TASP1: variants seen among roughly 807,000 people sequenced by gnomAD.
TASP1 encodes threonine aspartase 1.
A neutral mutation model predicts 56.6 loss-of-function variants in TASP1; 16 were observed. That is an observed-to-expected ratio of 0.28 (90% CI 0.19 to 0.43). The LOEUF (loss-of-function observed/expected upper bound fraction) is 0.43. Ranked by LOEUF, TASP1 falls within the 20% of genes least tolerant of loss-of-function variation. The probability of loss-of-function intolerance (pLI) is 1.00; values close to 1 mark genes in which losing one functional copy is unlikely to be tolerated. For missense variants in TASP1, 393 were observed against 511.6 expected, an observed-to-expected ratio of 0.77 and a Z score of 2.24; for synonymous variants, 179 against 184.2, an observed-to-expected ratio of 0.97 and a Z score of 0.23.
the TASP1 span, among the ~76,000 whole-genome samples, chr20:13,189,305 G>C: frequency 6.6e-6 from 1 of 152,100 alleles, no homozygotes; most frequent in Admixed American, 6.6e-5. Context: ...ATTGACAATT[G>C]GGACCTAATT....
At chr20:13,343,258 A>G in the TASP1 span, among the ~76,000 whole-genome samples, 1 of 152,212 alleles carries the variant, frequency 6.6e-6, no homozygotes, top group African/African-American at 2.4e-5. Context: ...AGAGGCCAGA[A>G]ACCTCAGCCA....
intron 10 of TASP1, among the ~76,000 whole-genome samples, chr20:13,504,613 A>G (rs977247193): frequency 5.3e-5 from 8 of 152,282 alleles, no homozygotes; most frequent in African/African-American, 1.4e-4. Flanking sequence ...TAACTCTGGT[A>G]TAATGGTTAA....
At chr20:13,474,944 T>C (rs181693529) in intron 11 of TASP1, among the ~76,000 whole-genome samples, 1 of 152,316 alleles carries the variant, frequency 6.6e-6, no homozygotes, top group Admixed American at 6.5e-5. Flanking sequence ...GAGAAATGTC[T>C]ACTCATGTTC....
chr20:13,631,457 A>G (rs2147599008), intron 1 of TASP1, among the ~76,000 whole-genome samples: 2 of 152,326 alleles, frequency 1.3e-5, no homozygotes. Flanking sequence ...GTTATTTCTC[A>G]CAATATTTCT....
intron 4 of TASP1, among the ~76,000 whole-genome samples, chr20:13,602,344 A>C (rs1291930793): frequency 6.6e-6 from 1 of 152,172 alleles, no homozygotes; most frequent in Non-Finnish European, 1.5e-5. Flanking sequence ...CATGACAACT[A>C]AAAATGTAAT....
At chr20:13,345,377 C>T in the TASP1 span, among the ~76,000 whole-genome samples, 1 of 152,196 alleles carries the variant, frequency 6.6e-6, no homozygotes, top group South Asian at 2.1e-4. Flanking sequence ...GCTGGCAGGA[C>T]CACACCCAAA....
chr20:13,315,365 C>CTG, the TASP1 span, among the ~76,000 whole-genome samples: 3 of 151,876 alleles, frequency 2.0e-5, no homozygotes, highest in African/African-American at 7.2e-5. Flanking sequence ...TATGCTTGCA[C>CTG]CAATCAAAGG....
chr20:13,189,347 C>T, the TASP1 span, among the ~76,000 whole-genome samples: 1 of 152,162 alleles, frequency 6.6e-6, no homozygotes, highest in African/African-American at 2.4e-5. Context: ...GCAGAAGAAA[C>T]TGTCAACAGA....
At chr20:13,593,183 C>G (rs1176072809) in intron 4 of TASP1, among the ~76,000 whole-genome samples, 3 of 152,080 alleles carry the variant, frequency 2.0e-5, no homozygotes, top group Admixed American at 2.0e-4. Context: ...AACCAAGTAG[C>G]GTTTATTCCA....
the TASP1 span, among the ~76,000 whole-genome samples, chr20:13,373,233 C>A: frequency 6.6e-6 from 1 of 151,850 alleles, no homozygotes; most frequent in Non-Finnish European, 1.5e-5. Flanking sequence ...TCTATTATAG[C>A]CCCAACAATA....
the TASP1 span, among the ~76,000 whole-genome samples, chr20:13,350,054 G>T: frequency 6.6e-6 from 1 of 152,128 alleles, no homozygotes; most frequent in African/African-American, 2.4e-5. Context: ...AGGAGGCAGA[G>T]CCCAGGAGGC....
At chr20:13,376,299 C>A in the TASP1 span, among the ~76,000 whole-genome samples, 1 of 152,160 alleles carries the variant, frequency 6.6e-6, no homozygotes, top group Non-Finnish European at 1.5e-5. Context: ...ATATGACCAG[C>A]CAGTTTTCCC....
At chr20:13,345,141 G>A in the TASP1 span, among the ~76,000 whole-genome samples, 65 of 152,286 alleles carry the variant, frequency 4.3e-4, no homozygotes, top group Admixed American at 2.0e-3. Flanking sequence ...TGGAAGGACA[G>A]TGTAACCACA....
At chr20:13,543,531 G>T (rs753312133) in intron 8 of TASP1, among the ~76,000 whole-genome samples, 1 of 152,178 alleles carries the variant, frequency 6.6e-6, no homozygotes, top group African/African-American at 2.4e-5. Flanking sequence ...AACCTTGGAG[G>T]TGGAGGCTAG....
At chr20:13,334,700 A>G in the TASP1 span, among the ~76,000 whole-genome samples, 1 of 152,240 alleles carries the variant, frequency 6.6e-6, no homozygotes, top group Admixed American at 6.5e-5. Context: ...AGACTAAAGC[A>G]CATGGGTCTA....
chr20:13,242,934 A>T, the TASP1 span, among the ~76,000 whole-genome samples: 1 of 152,198 alleles, frequency 6.6e-6, no homozygotes, highest in Admixed American at 6.5e-5. Context: ...TTTGATTAAT[A>T]TTGACTTATT....
At chr20:13,187,182 T>C in the TASP1 span, among the ~76,000 whole-genome samples, 2 of 150,940 alleles carry the variant, frequency 1.3e-5, no homozygotes, top group Non-Finnish European at 3.0e-5. Context: ...CAAACTGAAA[T>C]GCAAACAGAA....
chr20:13,541,372 A>G lies in TASP1; in HGVS notation c.676-7231T>C, dbSNP rs372265858. Among the ~76,000 whole-genome samples, 20 of 152,298 alleles carry G rather than the reference A, an allele frequency of 1.3e-4. No homozygotes were observed. In the South Asian group the frequency reaches 4.2e-3, roughly 32 times the overall value. The stretch of plus-strand genomic sequence containing the variant: ...AAAACTGCCTTTTAGGAACAAAATT[A>G]AAGACATTTATCAATATATAAATAA... On this transcript the variant is annotated intron_variant, in intron 8 of 13. Transcript: ENST00000337743.
intron 13 of TASP1, among the ~76,000 whole-genome samples, chr20:13,400,103 G>C (rs911829455): frequency 1.3e-5 from 2 of 152,090 alleles, no homozygotes; most frequent in Admixed American, 6.6e-5. Context: ...ACATAGTATA[G>C]GCCTTACTTA....
Sources: allele counts gnomAD v4.1 joint callset (sites outside exome capture counted in the v4.1 genomes callset), GRCh38; gene constraint gnomAD v4.1.1; transcripts MANE v1.5; gene names NCBI Gene and HGNC (gene_info 2026-07-23, HGNC 2026-07-21).